Variants in C3orf62 observed in about 807,000 individuals in gnomAD.
C3orf62 encodes the protein uncharacterized protein C3orf62.
In C3orf62, 16 loss-of-function variants were observed where a neutral mutation model predicts 21.7. That is an observed-to-expected ratio of 0.74 (90% CI 0.50 to 1.12). The LOEUF (loss-of-function observed/expected upper bound fraction) is 1.12, where lower values mean the gene tolerates loss of function less well. Among genes scored for constraint, C3orf62 ranks in the 50% most tolerant of loss-of-function variants. The pLI, the probability that C3orf62 is intolerant of heterozygous loss-of-function variation, is 0.00. For synonymous variants in C3orf62, 114 were observed against 117.0 expected, an observed-to-expected ratio of 0.97 and a Z score of 0.17; for missense variants, 310 against 318.8, an observed-to-expected ratio of 0.97 and a Z score of 0.21.
At chr3:49,274,320 C>T in intron 1 of C3orf62, 180 bp from the exon 2 acceptor site, 1 of 576,388 alleles carries the variant, frequency 1.7e-6, no homozygotes. Flanking sequence ...AATTGACTAA[C>T]AGCTTTACCA....
Position 49,276,506 on chromosome 3 carries a change from G to C in C3orf62, c.367C>G (p.His123Asp), listed in dbSNP as rs1327959817. The stretch of plus-strand genomic sequence containing the variant: ...CTTTCAGGTGCCAAAATGGAGGAAT[G>C]CATCAATACATTTTCCTTGCTGGTT... Reference protein sequence around the residue: ...PLTSKENVLMHSSILAPERES... With the variant: ...PLTSKENVLMDSSILAPERES... Residue 123 changes from histidine (H) to aspartate (D), a missense_variant, in exon 1 of 3, where the codon CAT (histidine) becomes GAT (aspartate). His to Asp is a moderately conservative substitution (Grantham distance 81). Coordinates refer to ENST00000343010, the MANE Select transcript of C3orf62 (RefSeq NM_198562.3). 1 of 1,614,204 alleles carries C rather than the reference G, an allele frequency of 6.2e-7. No individual in the cohort carries two copies. Among genetic ancestry groups the C allele is most frequent in the Non-Finnish European group, 8.5e-7 (1 of 1,180,030 alleles).
In C3orf62 at chr3:49,271,099, CCT is replaced by C. The variant is rs2046909340; in HGVS notation, c.*79_*80del. 24 of 1,400,308 alleles carry C rather than the reference CCT, an allele frequency of 1.7e-5. No individual in the cohort carries two copies. Among genetic ancestry groups the C allele is most frequent in the Non-Finnish European group, 2.2e-5 (23 of 1,027,324 alleles). The allele number at this position is 1,400,308 out of a possible 1,614,324, so 86.7% of individuals were successfully genotyped here. On this transcript the variant is annotated 3_prime_UTR_variant, in exon 3 of 3. Coordinates refer to ENST00000343010, the MANE Select transcript of C3orf62 (RefSeq NM_198562.3). ...TGCCAACCTTTTGAGAAATGTGGCC[CCT>C]GACGGCCATTGTAGCTGCTTCTGCT...
At position 49,276,721 on chromosome 3, in the gene C3orf62, G is replaced by A. The variant is rs1193925519; in HGVS notation, c.152C>T (p.Ala51Val). ...GGGCAGCGAGAAGGAGAGCGGCGCG[G>A]CGCTCAGTTCCAGCCTCTGCTGGCC... is the stretch of plus-strand genomic sequence containing the variant. ...CTGQQRLELS[A>V]APLSFSLPVH... The change falls in exon 1 of 3, where the codon GCC (alanine) becomes GTC (valine). Residue 51 changes from alanine (A) to valine (V), a missense_variant. Transcript: ENST00000343010. The A allele has an allele frequency of 4.3e-6, 7 of 1,614,042 alleles. No homozygotes were observed. Among genetic ancestry groups the A allele is most frequent in the Non-Finnish European group, 5.9e-6 (7 of 1,180,030 alleles).
chr3:49,275,790 A>G (rs184191842), intron 1 of C3orf62, among the ~76,000 whole-genome samples: 20 of 151,940 alleles, frequency 1.3e-4, no homozygotes, highest in Admixed American at 1.2e-3. Flanking sequence ...TCGGCCTCCC[A>G]AAGTGCTGGG....
At chr3:49,275,656 G>A (rs1412543936) in intron 1 of C3orf62, among the ~76,000 whole-genome samples, 3 of 141,154 alleles carry the variant, frequency 2.1e-5, no homozygotes, top group South Asian at 2.4e-4. Context: ...TCAGCCTCCC[G>A]AGTAGCTGGG....
intron 1 of C3orf62, among the ~76,000 whole-genome samples, chr3:49,276,154 C>T (rs1345769842): frequency 2.0e-5 from 3 of 152,170 alleles, no homozygotes; most frequent in Admixed American, 2.0e-4. Context: ...ATTTTACATC[C>T]ACTACCCCTT....
Position 49,274,152 on chromosome 3 carries a change from A to C in C3orf62, c.447-12T>G, listed in dbSNP as rs2046933640. ...TCTCCATATCTTTCCTGCAGCCCCC[A>C]GGTGGGGGGGAAGAAAAGGTGGGGA... is the stretch of plus-strand genomic sequence containing the variant. On this transcript the variant is annotated splice_polypyrimidine_tract_variant and intron_variant, in intron 1 of 2. Coordinates refer to ENST00000343010, the MANE Select transcript of C3orf62 (RefSeq NM_198562.3). 6.2e-7 allele frequency: 1 copy of C among 1,600,216 alleles called. No homozygotes were observed. Among genetic ancestry groups the C allele is most frequent in the African/African-American group, 1.3e-5 (1 of 74,638 alleles).
intron 2 of C3orf62, among the ~76,000 whole-genome samples, chr3:49,272,835 G>A (rs1363977383): frequency 6.6e-6 from 1 of 151,990 alleles, no homozygotes; most frequent in African/African-American, 2.4e-5. Context: ...CTAAAGGTGT[G>A]AGCCACTGTG....
intron 2 of C3orf62, among the ~76,000 whole-genome samples, chr3:49,273,194 A>G (rs916425653): frequency 2.0e-5 from 3 of 152,180 alleles, no homozygotes; most frequent in Non-Finnish European, 4.4e-5. Context: ...GGCCACAGTA[A>G]GTGGATTACT....
At chr3:49,276,139 C>T (rs770322115) in intron 1 of C3orf62, among the ~76,000 whole-genome samples, 3 of 152,122 alleles carry the variant, frequency 2.0e-5, no homozygotes, top group African/African-American at 7.2e-5. Flanking sequence ...TTTTAAAACC[C>T]GGTTATTTTA....
At chr3:49,275,530 T>TTTG (rs1559460086) in intron 1 of C3orf62, among the ~76,000 whole-genome samples, 5 of 114,182 alleles carry the variant, frequency 4.4e-5, no homozygotes, top group Non-Finnish European at 8.9e-5. Flanking sequence ...TTTTTTTTTT[T>TTTG]TTTTTTTTTT....
intron 1 of C3orf62, among the ~76,000 whole-genome samples, chr3:49,275,519 G>GTTTTT (rs59375945): frequency 0.04 from 2,764 of 69,262 alleles, 809 homozygotes; most frequent in Non-Finnish European, 0.051. Context: ...GAACTTTGAA[G>GTTTTT]TTTTTTTTTT....
chr3:49,276,931 T>C lies in C3orf62; in HGVS notation c.-59A>G, dbSNP rs1233165282. On this transcript the variant is annotated 5_prime_UTR_variant, in exon 1 of 3. Transcript: ENST00000343010. The stretch of plus-strand genomic sequence containing the variant: ...AATGAGGCTGCAAACTACCCCTGAA[T>C]GGCCACGATTTCCTGGAGCTTGGCC... 5 of 1,551,988 alleles carry C rather than the reference T, an allele frequency of 3.2e-6. No homozygotes were observed. Among genetic ancestry groups the C allele is most frequent in the East Asian group, 2.3e-5 (1 of 44,296 alleles).
chr3:49,276,269 G>T (rs529008620), intron 1 of C3orf62, among the ~76,000 whole-genome samples, 158 bp downstream of exon 1: 2 of 152,310 alleles, frequency 1.3e-5, no homozygotes, highest in Non-Finnish European at 2.9e-5. Flanking sequence ...TCCTAGGCCA[G>T]ATTCTGAAGA....
intron 2 of C3orf62, 29 bp from the exon 3 acceptor site, chr3:49,271,474 A>C: frequency 6.3e-7 from 1 of 1,596,246 alleles, no homozygotes; most frequent in Non-Finnish European, 8.5e-7. Context: ...CAGCTTTACA[A>C]TTCCAGTGGA....
Position 49,276,441 on chromosome 3 carries a change from T to A in C3orf62, c.432A>T (p.Arg144Ser), listed in dbSNP as rs760773760. The change falls in exon 1 of 3, where the codon AGA becomes AGT. Residue 144 changes from arginine (R) to serine (S), a missense_variant. Physicochemically the swap from Arg to Ser is moderately radical, Grantham distance 110 (BLOSUM62 -1). Coordinates refer to ENST00000343010, the MANE Select transcript of C3orf62 (RefSeq NM_198562.3). ...WRTAGEGENW[R>S]KENLRKDMER... ...ATTAGAATCACCTTAAATTTTCTTT[T>A]CTCCAGTTTTCCCCCTCTCCTGCAG... The A allele has an allele frequency of 1.2e-6, 2 of 1,606,702 alleles. No individual in the cohort carries two copies. Among genetic ancestry groups the A allele is most frequent in the Non-Finnish European group, 8.5e-7 (1 of 1,174,698 alleles).
rs2046906841 is a variant in C3orf62 at position 49,270,532 on chromosome 3, T to A, written c.*648A>T. On this transcript the variant is annotated 3_prime_UTR_variant, in exon 3 of 3. Transcript: ENST00000343010. ...CGAACCACCATGACCAGCTAAATTA[T>A]TATTTTTTTGAGACAGAGTCTTGCT... 3 of 152,234 alleles carry A rather than the reference T, an allele frequency of 2.0e-5. No homozygotes were observed. In the South Asian group the frequency reaches 6.2e-4, roughly 32 times the overall value. 9.4% of individuals were successfully genotyped at this position (152,234 alleles called of 1,614,324 possible).
intron 2 of C3orf62, among the ~76,000 whole-genome samples, chr3:49,272,332 C>T (rs538580376): frequency 6.6e-6 from 1 of 151,770 alleles, no homozygotes; most frequent in African/African-American, 2.4e-5. Context: ...GACCTTGTCT[C>T]TATTTATAAA....
Position 49,276,649 on chromosome 3 carries a change from G to A in C3orf62, c.224C>T (p.Ser75Phe), listed in dbSNP as rs774667709. 163 of 1,614,132 alleles carry A rather than the reference G, an allele frequency of 1.0e-4. No individual in the cohort carries two copies. Among genetic ancestry groups the A allele is most frequent in the Non-Finnish European group, 7.9e-5 (93 of 1,180,060 alleles). The change falls in exon 1 of 3, where the codon TCT (serine) becomes TTT (phenylalanine). Residue 75 changes from serine to phenylalanine, a missense_variant. Coordinates refer to ENST00000343010, the MANE Select transcript of C3orf62 (RefSeq NM_198562.3). The part of the protein sequence containing the change: ...CRRHPLAACS[S>F]AAPFAAVPCA... ...TGGGACAGCAGCAAAAGGAGCAGCA[G>A]AAGAGCAGGCTGCCAGAGGATGTCT...
Sources: allele counts gnomAD v4.1 joint callset (sites outside exome capture counted in the v4.1 genomes callset), GRCh38; gene constraint gnomAD v4.1.1; transcripts MANE v1.5; gene names NCBI Gene and HGNC (gene_info 2026-07-23, HGNC 2026-07-21).